CERKL: variants seen among roughly 807,000 people sequenced by gnomAD.
The protein encoded by CERKL is CERK like autophagy regulator.
A neutral mutation model predicts 63.4 loss-of-function variants in CERKL; 61 were observed. The observed-to-expected ratio is 0.96, with a 90% CI of 0.78 to 1.19. The LOEUF (loss-of-function observed/expected upper bound fraction) is 1.19. Among genes scored for constraint, CERKL ranks in the 50% most tolerant of loss-of-function variants. The pLI is 0.00. For synonymous variants in CERKL, 250 were observed against 230.5 expected (o/e 1.08, Z -0.77); for missense variants, 675 against 655.5 (o/e 1.03, Z -0.33).
chr2:181,646,315 T>C (rs879413291), intron 1 of CERKL, among the ~76,000 whole-genome samples: 2 of 152,232 alleles, frequency 1.3e-5, no homozygotes, highest in Admixed American at 6.5e-5. Context: ...TACTTACATA[T>C]GCAATTGTAT....
chr2:181,656,257 AAC>A (rs1219046797), intron 1 of CERKL, among the ~76,000 whole-genome samples: 4 of 152,218 alleles, frequency 2.6e-5, no homozygotes, highest in Admixed American at 6.5e-5. Context: ...AAAACCCAGA[AAC>A]ACTCCCAAAG....
chr2:181,616,559 T>A (rs886819505), intron 1 of CERKL, among the ~76,000 whole-genome samples: 3 of 152,148 alleles, frequency 2.0e-5, no homozygotes, highest in Admixed American at 2.0e-4. Flanking sequence ...AAAATGCTAA[T>A]CTTTAATACC....
intron 2 of CERKL, among the ~76,000 whole-genome samples, chr2:181,598,958 G>A (rs1011814623): frequency 1.3e-5 from 2 of 152,038 alleles, no homozygotes; most frequent in East Asian, 3.9e-4. Context: ...GAAGGAATCT[G>A]CCCAAGAACT....
intron 2 of CERKL, among the ~76,000 whole-genome samples, chr2:181,590,240 T>C (rs1436540337): frequency 6.6e-6 from 1 of 152,076 alleles, no homozygotes; most frequent in Non-Finnish European, 1.5e-5. Flanking sequence ...TGGGTTCAAG[T>C]GATTCTCATG....
At position 181,537,190 on chromosome 2, in the gene CERKL, G is replaced by A. The variant is rs1054747998; in HGVS notation, c.*994C>T. 4.4e-6 allele frequency: 2 copies of A among 453,288 alleles called. No individual in the cohort carries two copies. Among genetic ancestry groups the A allele is most frequent in the Non-Finnish European group, 4.4e-6 (1 of 226,200 alleles). 28.1% of individuals were successfully genotyped at this position (453,288 alleles called of 1,614,324 possible). ...CAGGAGAACATCTAGGATCATAGAT[G>A]AAAAATCAAGCCCCGATTTAGAACT... On this transcript the variant is annotated 3_prime_UTR_variant, in exon 13 of 13. Transcript: ENST00000410087.
chr2:181,585,425 C>A (rs913297179), intron 2 of CERKL, among the ~76,000 whole-genome samples: 2 of 152,138 alleles, frequency 1.3e-5, no homozygotes, highest in African/African-American at 4.8e-5. Context: ...AAGCAAAAAG[C>A]TTCTCTTTAA....
At chr2:181,572,780 C>CTT (rs5836800) in intron 3 of CERKL, among the ~76,000 whole-genome samples, 7 of 131,194 alleles carry the variant, frequency 5.3e-5, no homozygotes, top group African/African-American at 1.7e-4. Context: ...ACAAAACTTG[C>CTT]TTTTTTTTTT....
At chr2:181,628,818 C>T (rs1466538310) in intron 1 of CERKL, among the ~76,000 whole-genome samples, 1 of 152,036 alleles carries the variant, frequency 6.6e-6, no homozygotes, top group Non-Finnish European at 1.5e-5. Flanking sequence ...CTTTGTTTGC[C>T]AAATTTTTGT....
At chr2:181,639,994 A>G (rs1687350238) in intron 1 of CERKL, among the ~76,000 whole-genome samples, 1 of 152,166 alleles carries the variant, frequency 6.6e-6, no homozygotes, top group African/African-American at 2.4e-5. Context: ...GAATTCCCTG[A>G]TGCCAGCTGG....
intron 1 of CERKL, among the ~76,000 whole-genome samples, chr2:181,652,038 A>T (rs1313801893): frequency 6.6e-6 from 1 of 152,178 alleles, no homozygotes; most frequent in East Asian, 1.9e-4. Flanking sequence ...GTACATGTTC[A>T]TGGATTGAAA....
At chr2:181,583,862 C>T (rs1300446296) in intron 2 of CERKL, among the ~76,000 whole-genome samples, 1 of 152,148 alleles carries the variant, frequency 6.6e-6, no homozygotes, top group Non-Finnish European at 1.5e-5. Flanking sequence ...TAAAAGTTAA[C>T]TATAAAAGAC....
rs10168810 is a variant in CERKL, at chr2:181,590,687, G to C, written c.481+13150C>G. Among the ~76,000 whole-genome samples the C allele has an allele frequency of 3.4e-3, 521 of 152,254 alleles. 1 individual carries two copies. Among genetic ancestry groups the C allele is most frequent in the African/African-American group, 0.012 (505 of 41,560 alleles). ...GACTAGCCGAACTTGAAAAGATGCTGAACTTTAATGTATTAAAACTATATT... is the reference window on the plus strand; with the variant it reads ...GACTAGCCGAACTTGAAAAGATGCTCAACTTTAATGTATTAAAACTATATT... On this transcript the variant is annotated intron_variant, in intron 2 of 12. Transcript: ENST00000410087.
intron 2 of CERKL, among the ~76,000 whole-genome samples, chr2:181,574,193 C>G (rs753252913): frequency 6.6e-6 from 1 of 152,094 alleles, no homozygotes; most frequent in Non-Finnish European, 1.5e-5. Flanking sequence ...ATTTACCAAA[C>G]CACAATATAT....
intron 1 of CERKL, among the ~76,000 whole-genome samples, chr2:181,627,704 T>C (rs1209114701): frequency 2.0e-5 from 3 of 152,152 alleles, no homozygotes; most frequent in Non-Finnish European, 2.9e-5. Context: ...ATCCTGAGAG[T>C]TCAGCTATAG....
intron 1 of CERKL, among the ~76,000 whole-genome samples, chr2:181,640,237 G>C (rs1687359437): frequency 6.6e-6 from 1 of 152,054 alleles, no homozygotes; most frequent in Non-Finnish European, 1.5e-5. Flanking sequence ...TCTCTCCTTT[G>C]TGTTTCTCCT....
chr2:181,597,368 CCTT>C (rs1272422305), intron 2 of CERKL, among the ~76,000 whole-genome samples: 1 of 152,044 alleles, frequency 6.6e-6, no homozygotes, highest in Non-Finnish European at 1.5e-5. Flanking sequence ...GTTTTTTTCT[CCTT>C]CTTTTTTCCA....
intron 1 of CERKL, among the ~76,000 whole-genome samples, chr2:181,647,095 A>C (rs1207943415): frequency 1.3e-5 from 2 of 152,228 alleles, no homozygotes; most frequent in Non-Finnish European, 2.9e-5. Context: ...AAAGTGTAAC[A>C]GATGAAACAA....
At chr2:181,643,711 G>A (rs1359610789) in intron 1 of CERKL, among the ~76,000 whole-genome samples, 1 of 152,198 alleles carries the variant, frequency 6.6e-6, no homozygotes, top group East Asian at 1.9e-4. Context: ...TTTCCAACAT[G>A]AGATAGCACT....
At chr2:181,633,824 C>T (rs1369945697) in intron 1 of CERKL, among the ~76,000 whole-genome samples, 1 of 152,100 alleles carries the variant, frequency 6.6e-6, no homozygotes, top group East Asian at 1.9e-4. Context: ...GTAGAAATTC[C>T]ACTTCCTTTT....
Sources: allele counts gnomAD v4.1 joint callset (sites outside exome capture counted in the v4.1 genomes callset), GRCh38; gene constraint gnomAD v4.1.1; transcripts MANE v1.5; gene names NCBI Gene and HGNC (gene_info 2026-07-23, HGNC 2026-07-21).